The following DAB2IP variants were observed in gnomAD, a reference collection of about 807,000 sequenced individuals.
DAB2IP encodes the protein DAB2 interacting protein, also known as disabled homolog 2-interacting protein.
A neutral mutation model predicts 107.2 loss-of-function variants in DAB2IP; 28 were observed. The observed-to-expected ratio is 0.26, with a 90% CI of 0.19 to 0.36. DAB2IP has a LOEUF of 0.36. Among genes scored for constraint, DAB2IP ranks in the 10% least tolerant of loss-of-function variants. The probability of loss-of-function intolerance (pLI) is 1.00; values close to 1 mark genes in which losing one functional copy is unlikely to be tolerated. For synonymous variants in DAB2IP, 755 were observed against 706.4 expected, an observed-to-expected ratio of 1.07 and a Z score of -1.09; for missense variants, 1,400 against 1,644.7, an observed-to-expected ratio of 0.85 and a Z score of 2.57.
intron 2 of DAB2IP, among the ~76,000 whole-genome samples, chr9:121,688,358 CT>C (rs1828994413): frequency 6.6e-6 from 1 of 152,182 alleles, no homozygotes; most frequent in Admixed American, 6.5e-5. Context: ...GTAACTTCTC[CT>C]GTGGAATTGC....
At chr9:121,636,332 C>G (rs1832087365) in intron 1 of DAB2IP, among the ~76,000 whole-genome samples, 1 of 152,184 alleles carries the variant, frequency 6.6e-6, no homozygotes, top group Non-Finnish European at 1.5e-5. Context: ...TTTTATTCTC[C>G]TTTTAGCATA....
At chr9:121,770,942 G>GTTTTA (rs113457092) in intron 11 of DAB2IP, among the ~76,000 whole-genome samples, 10 of 152,056 alleles carry the variant, frequency 6.6e-5, no homozygotes, top group African/African-American at 2.4e-4. Flanking sequence ...GTTTTGTTTT[G>GTTTTA]GGAAAAGTAG....
upstream of DAB2IP, among the ~76,000 whole-genome samples, chr9:121,650,295 T>G (rs751080144): frequency 1.3e-5 from 2 of 152,140 alleles, no homozygotes; most frequent in Non-Finnish European, 2.9e-5. Flanking sequence ...CCCTCCCCCC[T>G]GGTCAGGGAA....
intron 10 of DAB2IP, 39 bp from the exon 11 acceptor site, chr9:121,770,507 C>T: frequency 6.3e-7 from 1 of 1,598,336 alleles, no homozygotes; most frequent in Non-Finnish European, 8.6e-7. Context: ...CCCATGTGGT[C>T]CCAGGAGGTC....
chr9:121,778,277 CCCTA>C (rs1482114104), intron 14 of DAB2IP, among the ~76,000 whole-genome samples: 8 of 152,120 alleles, frequency 5.3e-5, no homozygotes, highest in Non-Finnish European at 1.2e-4. Context: ...CTCTCAAAAC[CCCTA>C]CCTATTAAGA....
At position 121,698,404 on chromosome 9, in the gene DAB2IP, C is replaced by G. The variant is rs1829537542; in HGVS notation, c.229-921C>G. On this transcript the variant is annotated intron_variant, in intron 2 of 15. Transcript: ENST00000408936. This position sits in a 1 kb window ranked among gnomAD's most constrained non-coding sequence, Gnocchi z 4.1. Reference sequence around the variant, plus strand: ...TATTGAACGCCTGTCTCCTCTGTCTCTGCCATTAGACCAGGAGCTCTTGGG... The same window carrying G: ...TATTGAACGCCTGTCTCCTCTGTCTGTGCCATTAGACCAGGAGCTCTTGGG... Among the ~76,000 whole-genome samples, 1 of 152,226 alleles carries G rather than the reference C, an allele frequency of 6.6e-6. No homozygotes were observed. The highest frequency in any genetic ancestry group is 6.5e-5 in the Admixed American group (1 of 15,286).
intron 1 of DAB2IP, among the ~76,000 whole-genome samples, chr9:121,619,735 C>A (rs776667364): frequency 1.3e-5 from 2 of 152,292 alleles, no homozygotes; most frequent in African/African-American, 2.4e-5. Context: ...GCTTGTAAAC[C>A]ACCTCTGGTG....
In DAB2IP at chr9:121,698,962, C is replaced by G. The variant is rs1332441771; in HGVS notation, c.229-363C>G. ...CGGCCCTGGCGGTCCCCGGGGGTCT[C>G]CGCCCCTCCGCAGCCCCGCCCCCTC... On this transcript the variant is annotated intron_variant, in intron 2 of 15. Transcript: ENST00000408936. This position sits in a 1 kb window ranked among gnomAD's most constrained non-coding sequence, Gnocchi z 4.1. 6.6e-6 allele frequency among the ~76,000 whole-genome samples: 1 copy of G among 151,826 alleles called. No homozygotes were observed. Among genetic ancestry groups the G allele is most frequent in the East Asian group, 1.9e-4 (1 of 5,152 alleles).
In DAB2IP at chr9:121,597,295, G is replaced by A. The variant is rs78429071; in HGVS notation, c.40+30067G>A. ...CTGGAACTGATCTTTTATGCATGGTGTGAGGTAGGGATTCAGCTCATCTTT... is the reference window on the plus strand; with the variant it reads ...CTGGAACTGATCTTTTATGCATGGTATGAGGTAGGGATTCAGCTCATCTTT... On this transcript the variant is annotated intron_variant, in intron 1 of 16. Coordinates refer to the DAB2IP transcript ENST00000259371. Among the ~76,000 whole-genome samples, 562 of 152,306 alleles carry A rather than the reference G, an allele frequency of 3.7e-3. 3 individuals are homozygous for A. The highest frequency in any genetic ancestry group is 0.013 in the African/African-American group (539 of 41,556).
intron 1 of DAB2IP, among the ~76,000 whole-genome samples, chr9:121,590,232 G>A (rs966157052): frequency 1.3e-5 from 2 of 149,812 alleles, no homozygotes; most frequent in Admixed American, 6.8e-5. Flanking sequence ...CTCCGTGACC[G>A]TCATGCCCCA....
rs555991524 is a variant in DAB2IP at position 121,742,741 on chromosome 9, C to T, written c.363-14272C>T. The T allele has an allele frequency of 2.1e-3, 2,057 of 985,672 alleles. 6 individuals carry two copies. The highest frequency in any genetic ancestry group is 9.5e-3 in the South Asian group (202 of 21,286). 61.1% of individuals were successfully genotyped at this position (985,672 alleles called of 1,614,324 possible). On this transcript the variant is annotated intron_variant, in intron 3 of 15. Coordinates refer to ENST00000408936, the Ensembl canonical transcript of DAB2IP. ...GCACCTGCCTTTTCTTCCCCGCATC[C>T]TCCCTCTGACTGCCCGCTTTTCTCT...
At chr9:121,710,615 C>T (rs886614934) in intron 3 of DAB2IP, among the ~76,000 whole-genome samples, 11 of 152,126 alleles carry the variant, frequency 7.2e-5, no homozygotes, top group Admixed American at 6.5e-4. Context: ...AAGAAGGGGT[C>T]GTGGCTAGGC....
Position 121,604,842 on chromosome 9 carries a change from A to G in DAB2IP, c.40+37614A>G, listed in dbSNP as rs115523997. ...CTTTGTAGAGTTGGACTAGCTTTGA[A>G]TCAGGCATGATTTTTCCACTCCTGC... On this transcript the variant is annotated intron_variant, in intron 1 of 16. Transcript: ENST00000259371. 9.6e-3 allele frequency among the ~76,000 whole-genome samples: 1,466 copies of G among 152,244 alleles called. 31 individuals carry two copies. Among genetic ancestry groups the G allele is most frequent in the African/African-American group, 0.033 (1,359 of 41,522 alleles).
At chr9:121,775,608 C>T (rs1588011381) in intron 13 of DAB2IP, among the ~76,000 whole-genome samples, 2 of 152,360 alleles carry the variant, frequency 1.3e-5, no homozygotes, top group Non-Finnish European at 2.9e-5. Flanking sequence ...CCCTGCTCCT[C>T]CCTGATGGTT....
At chr9:121,597,753 T>C (rs1477006823) in intron 1 of DAB2IP, among the ~76,000 whole-genome samples, 2 of 152,198 alleles carry the variant, frequency 1.3e-5, no homozygotes, top group African/African-American at 4.8e-5. Flanking sequence ...GGTAAGATGA[T>C]TTGCCAAGGT....
intron 1 of DAB2IP, among the ~76,000 whole-genome samples, chr9:121,628,937 A>G (rs1197979809): frequency 6.6e-6 from 1 of 152,188 alleles, no homozygotes; most frequent in East Asian, 1.9e-4. Context: ...GGCAAGTGGG[A>G]CGGTGGCTTG....
chr9:121,695,768 A>C (rs1829389923), intron 2 of DAB2IP, among the ~76,000 whole-genome samples: 1 of 152,198 alleles, frequency 6.6e-6, no homozygotes. Flanking sequence ...AGTGTTTTTA[A>C]CAGTCCTGTA....
At chr9:121,613,637 C>T (rs1273631772) in intron 1 of DAB2IP, among the ~76,000 whole-genome samples, 1 of 152,114 alleles carries the variant, frequency 6.6e-6, no homozygotes, top group Non-Finnish European at 1.5e-5. Flanking sequence ...TAAATCTTGT[C>T]GAGGATGTTG....
At chr9:121,671,267 C>T (rs12000685) in intron 1 of DAB2IP, among the ~76,000 whole-genome samples, 40,344 of 152,110 alleles carry the variant, frequency 0.27, 5,433 homozygotes, top group African/African-American at 0.34. Flanking sequence ...ACCCAGGAGG[C>T]GAAGGTTGCA....
Sources: gnomAD v4.1 joint callset for allele counts (sites outside exome capture counted in the v4.1 genomes callset) on GRCh38, gnomAD v4.1.1 for gene constraint, Gnocchi (gnomAD v3.1) non-coding constraint, MANE v1.5 for transcripts, NCBI Gene and HGNC (gene_info 2026-07-23, HGNC 2026-07-21) for gene names.